Variants in STAG2 observed in about 807,000 individuals in gnomAD.
STAG2 encodes the protein STAG2 cohesin complex component, also known as cohesin subunit SA-2.
STAG2 carries 14 observed loss-of-function variants against 108.1 expected under a neutral mutation model. That is an observed-to-expected ratio of 0.13 (90% CI 0.09 to 0.20). The LOEUF (loss-of-function observed/expected upper bound fraction) is 0.20. STAG2 is among the 10% of genes least tolerant of loss of function. The probability of loss-of-function intolerance (pLI) is 1.00; values close to 1 mark genes in which losing one functional copy is unlikely to be tolerated. For synonymous variants in STAG2, 307 were observed against 302.7 expected (o/e 1.01, Z -0.15); for missense variants, 440 against 940.9 (o/e 0.47, Z 6.96).
At chrX:123,983,579 ATAGT>A (rs1337586545) in intron 1 of STAG2, among the ~76,000 whole-genome samples, 1 of 111,650 alleles carries the variant, frequency 9.0e-6, no homozygotes, top group East Asian at 2.8e-4. Flanking sequence ...CTTGATAGTA[ATAGT>A]TATTTATAGT....
In STAG2 at chrX:124,095,545, T is replaced by C. The variant is rs754162754; in HGVS notation, c.3783+96T>C. On this transcript the variant is annotated intron_variant, in intron 34 of 34. Transcript: ENST00000371145. ...AAGACCTGGGGCAGCATACTGAGAA[T>C]AGATGAAAACAGCTGGATGTGAGAA... is the stretch of plus-strand genomic sequence containing the variant. The C allele has an allele frequency of 9.4e-4, 613 of 649,802 alleles. 2 individuals carry two copies. In the African/African-American group the frequency reaches 0.012, roughly 13 times the overall value. The allele number at this position is 649,802 out of a possible 1,213,427, so 53.6% of individuals were successfully genotyped here. A position where few individuals can be genotyped will look rare whatever the true frequency, so the allele number is the denominator to read the frequency against.
intron 1 of STAG2, among the ~76,000 whole-genome samples, chrX:123,996,601 G>GT (rs1414658573): frequency 8.1e-5 from 9 of 110,695 alleles, no homozygotes; most frequent in East Asian, 2.8e-4. Context: ...TCATTTATAT[G>GT]TTTTTTTTGC....
intron 29 of STAG2, among the ~76,000 whole-genome samples, chrX:124,084,669 T>G (rs5910058): frequency 0.18 from 20,168 of 111,708 alleles, 1,437 homozygotes; most frequent in East Asian, 0.39. Flanking sequence ...TGTTCAGTTA[T>G]AAAACTGATA....
intron 15 of STAG2, 88 bp downstream of exon 15, chrX:124,058,065 G>A: frequency 7.1e-6 from 3 of 425,503 alleles, no homozygotes; most frequent in Non-Finnish European, 1.1e-5. Flanking sequence ...AATATTCCTT[G>A]TAGCACAGTA....
intron 30 of STAG2, among the ~76,000 whole-genome samples, chrX:124,088,412 A>G (rs1190083071): frequency 1.8e-5 from 2 of 111,110 alleles, no homozygotes; most frequent in African/African-American, 6.5e-5. Context: ...AGAAGGAAGT[A>G]TGAATACTGA....
chrX:124,006,063 G>A (rs751313198), intron 1 of STAG2, among the ~76,000 whole-genome samples: 3 of 110,675 alleles, frequency 2.7e-5, no homozygotes, highest in African/African-American at 6.6e-5. Flanking sequence ...TAAGGACTTC[G>A]TTTTAACTTG....
At chrX:123,996,558 A>T (rs777246142) in intron 1 of STAG2, among the ~76,000 whole-genome samples, 55 of 111,128 alleles carry the variant, frequency 4.9e-4, no homozygotes, top group African/African-American at 1.7e-3. Context: ...TTTCCTCCCC[A>T]ACCATAGCCC....
chrX:124,084,555 TG>T (rs1163156762), intron 29 of STAG2, among the ~76,000 whole-genome samples: 1 of 110,927 alleles, frequency 9.0e-6, no homozygotes, highest in Non-Finnish European at 1.9e-5. Flanking sequence ...TGACCTCAGG[TG>T]ATCTGTCCAC....
At chrX:124,005,504 C>T (rs1275065538) in intron 1 of STAG2, among the ~76,000 whole-genome samples, 2 of 111,713 alleles carry the variant, frequency 1.8e-5, no homozygotes, top group Non-Finnish European at 3.8e-5. Flanking sequence ...CTGTGTCAAC[C>T]ACTAACCTGT....
At chrX:124,026,327 A>T (rs1265142217) in intron 4 of STAG2, among the ~76,000 whole-genome samples, 1 of 110,731 alleles carries the variant, frequency 9.0e-6, no homozygotes, top group Non-Finnish European at 1.9e-5. Flanking sequence ...CAACCAGTTT[A>T]AGGCTAATGG....
At chrX:123,999,925 T>A (rs73212917) in intron 1 of STAG2, among the ~76,000 whole-genome samples, 16,176 of 108,412 alleles carry the variant, frequency 0.15, 1,122 homozygotes, top group South Asian at 0.38. Flanking sequence ...TAGTTTTTTT[T>A]TTTTTTTATT....
chrX:123,991,094 T>C (rs2055437784), intron 1 of STAG2, among the ~76,000 whole-genome samples: 1 of 112,040 alleles, frequency 8.9e-6, no homozygotes, highest in Non-Finnish European at 1.9e-5. Flanking sequence ...ATACTTTAAA[T>C]TCACTGGGGG....
chrX:124,050,101 G>A, intron 10 of STAG2, 85 bp from the exon 11 acceptor site: 1 of 1,033,808 alleles, frequency 9.7e-7, no homozygotes, highest in Non-Finnish European at 1.3e-6. Context: ...TAGTAGATCT[G>A]AAGTACTTGG....
chrX:124,041,142 C>T (rs780810460), intron 6 of STAG2, among the ~76,000 whole-genome samples: 1 of 109,652 alleles, frequency 9.1e-6, no homozygotes, highest in East Asian at 2.9e-4. Flanking sequence ...TGAGCCACCG[C>T]ACCCGGCCAA....
intron 1 of STAG2, among the ~76,000 whole-genome samples, chrX:124,006,830 G>A: frequency 9.0e-6 from 1 of 111,233 alleles, no homozygotes; most frequent in Non-Finnish European, 1.9e-5. Flanking sequence ...AGTTTAACAT[G>A]TGTTTTAAAA....
At chrX:124,076,166 C>G (rs767380726) in intron 25 of STAG2, among the ~76,000 whole-genome samples, 166 bp from the exon 26 acceptor site, 1 of 111,389 alleles carries the variant, frequency 9.0e-6, no homozygotes, top group Non-Finnish European at 1.9e-5. Context: ...TTTGATGTCA[C>G]AAAAATTTAG....
rs2055332255 is a variant in STAG2, at chrX:123,989,243, GCC to G, written c.-163+27389_-163+27390del. On this transcript the variant is annotated intron_variant, in intron 1 of 34. Coordinates refer to ENST00000371145, the MANE Select transcript of STAG2 (RefSeq NM_001042750.2). Reference sequence around the variant, plus strand: ...TAATTGTGTAAAAATAATGATCCCTGCCCATAGCAAAAATTTAGTACAAAAGG... The same window carrying G: ...TAATTGTGTAAAAATAATGATCCCTGCATAGCAAAAATTTAGTACAAAAGG... 2.7e-5 allele frequency among the ~76,000 whole-genome samples: 3 copies of G among 111,490 alleles called. No individual in the cohort carries two copies. In the South Asian group the frequency reaches 1.1e-3, roughly 42 times the overall value.
chrX:123,970,942 T>C (rs932873297), intron 1 of STAG2, among the ~76,000 whole-genome samples: 1 of 111,743 alleles, frequency 8.9e-6, no homozygotes, highest in African/African-American at 3.3e-5. Context: ...CTTGGCCTTT[T>C]GGCTAAGATC....
At chrX:124,092,610 A>T (rs1333307086) in intron 32 of STAG2, among the ~76,000 whole-genome samples, 1 of 112,520 alleles carries the variant, frequency 8.9e-6, no homozygotes, top group Non-Finnish European at 1.9e-5. Context: ...TTACCAAAGG[A>T]TTCTTTGGTG....
Sources: allele counts gnomAD v4.1 joint callset (sites outside exome capture counted in the v4.1 genomes callset), GRCh38; gene constraint gnomAD v4.1.1; transcripts MANE v1.5; gene names NCBI Gene and HGNC (gene_info 2026-07-23, HGNC 2026-07-21).